HS6ST3: variants seen among roughly 807,000 people sequenced by gnomAD.
HS6ST3 encodes heparan-sulfate 6-O-sulfotransferase 3.
A neutral mutation model predicts 36.7 loss-of-function variants in HS6ST3; 12 were observed. The ratio of observed to expected loss-of-function variants is 0.33; its 90% CI spans 0.21 to 0.53. The LOEUF is 0.53. HS6ST3 is among the 20% of genes least tolerant of loss of function. The pLI is 0.95. For missense variants in HS6ST3, 584 were observed against 640.9 expected (o/e 0.91, Z 0.96); for synonymous variants, 240 against 257.5 (o/e 0.93, Z 0.65).
At chr13:96,667,914 T>C (rs2056669505) in intron 1 of HS6ST3, among the ~76,000 whole-genome samples, 1 of 152,102 alleles carries the variant, frequency 6.6e-6, no homozygotes, top group African/African-American at 2.4e-5. Flanking sequence ...GAAGCCACAT[T>C]TTAGCACTAC....
At chr13:96,360,778 C>G (rs559943482) in intron 1 of HS6ST3, among the ~76,000 whole-genome samples, 25 of 151,900 alleles carry the variant, frequency 1.6e-4, no homozygotes, top group African/African-American at 6.0e-4. Context: ...GAAACCTCGT[C>G]TCTACTAAAA....
intron 1 of HS6ST3, among the ~76,000 whole-genome samples, chr13:96,783,081 C>G (rs1375491902): frequency 1.3e-5 from 2 of 152,090 alleles, no homozygotes; most frequent in Non-Finnish European, 2.9e-5. Flanking sequence ...ATTGTTTGTT[C>G]AAGGAACAAA....
intron 1 of HS6ST3, among the ~76,000 whole-genome samples, chr13:96,505,548 T>A (rs1425715215): frequency 6.6e-6 from 1 of 152,118 alleles, no homozygotes; most frequent in Non-Finnish European, 1.5e-5. Flanking sequence ...ATTACTGACA[T>A]ATGCAAAGTA....
chr13:96,672,460 A>G (rs1277830734), intron 1 of HS6ST3, among the ~76,000 whole-genome samples: 1 of 152,030 alleles, frequency 6.6e-6, no homozygotes, highest in African/African-American at 2.4e-5. Context: ...TTCCTTGGCA[A>G]CCCCTCTCCA....
chr13:96,668,686 C>CTTTTTTTT (rs146033180), intron 1 of HS6ST3, among the ~76,000 whole-genome samples: 17 of 58,942 alleles, frequency 2.9e-4, no homozygotes, highest in African/African-American at 4.7e-4. Context: ...TAGTGCCAAC[C>CTTTTTTTT]TTTTTTTTTT....
chr13:96,815,626 T>C (rs1878404708), intron 1 of HS6ST3, among the ~76,000 whole-genome samples: 1 of 152,154 alleles, frequency 6.6e-6, no homozygotes, highest in South Asian at 2.1e-4. Context: ...GCAGATCATT[T>C]AATCACTCAA....
At chr13:96,485,785 C>G (rs1328927469) in intron 1 of HS6ST3, among the ~76,000 whole-genome samples, 1 of 152,090 alleles carries the variant, frequency 6.6e-6, no homozygotes, top group Non-Finnish European at 1.5e-5. Flanking sequence ...ACTGACATGA[C>G]ATGTATGGAG....
chr13:96,657,379 A>G (rs989860172), intron 1 of HS6ST3, among the ~76,000 whole-genome samples: 1 of 151,886 alleles, frequency 6.6e-6, no homozygotes, highest in African/African-American at 2.4e-5. Flanking sequence ...TGGGCAATAT[A>G]GGGAGGTGGC....
At chr13:96,269,643 T>C (rs1038107931) in intron 1 of HS6ST3, among the ~76,000 whole-genome samples, 2 of 152,022 alleles carry the variant, frequency 1.3e-5, no homozygotes, top group Non-Finnish European at 2.9e-5. Flanking sequence ...TCAGGAATAC[T>C]AGACCCAAAG....
chr13:96,764,694 G>C (rs1877052154), intron 1 of HS6ST3, among the ~76,000 whole-genome samples: 1 of 152,172 alleles, frequency 6.6e-6, no homozygotes, highest in Non-Finnish European at 1.5e-5. Context: ...CTTGCTTGCT[G>C]AGAGGTGAGA....
intron 1 of HS6ST3, among the ~76,000 whole-genome samples, chr13:96,744,192 AT>A (rs1222507904): frequency 2.0e-5 from 3 of 151,658 alleles, no homozygotes; most frequent in Admixed American, 2.0e-4. Context: ...TCTTATTTTA[AT>A]TTTTTTTCTC....
At chr13:96,596,978 T>C (rs1594814984) in intron 1 of HS6ST3, among the ~76,000 whole-genome samples, 1 of 151,992 alleles carries the variant, frequency 6.6e-6, no homozygotes, top group Non-Finnish European at 1.5e-5. Flanking sequence ...GTGGCATATG[T>C]AAACCATGTA....
intron 1 of HS6ST3, among the ~76,000 whole-genome samples, chr13:96,828,371 C>A (rs1490745019): frequency 6.6e-6 from 1 of 151,974 alleles, no homozygotes; most frequent in Middle Eastern, 3.2e-3. Flanking sequence ...TAACATTGTA[C>A]CCTTACATTT....
At chr13:96,489,410 T>C (rs1028650727) in intron 1 of HS6ST3, among the ~76,000 whole-genome samples, 6 of 148,824 alleles carry the variant, frequency 4.0e-5, no homozygotes, top group African/African-American at 1.5e-4. Flanking sequence ...ACACATATAG[T>C]TTTTTTCTAA....
intron 1 of HS6ST3, among the ~76,000 whole-genome samples, chr13:96,163,071 G>A (rs1344460199): frequency 1.3e-5 from 2 of 152,018 alleles, no homozygotes; most frequent in Non-Finnish European, 2.9e-5. Context: ...TCATAGCTGC[G>A]AATTCTTAAG....
At chr13:96,207,806 CA>C (rs2054378681) in intron 1 of HS6ST3, among the ~76,000 whole-genome samples, 1 of 152,042 alleles carries the variant, frequency 6.6e-6, no homozygotes, top group South Asian at 2.1e-4. Flanking sequence ...TTGTGGGGAA[CA>C]ACACACACAC....
chr13:96,680,696 A>G (rs2056715528), intron 1 of HS6ST3, among the ~76,000 whole-genome samples: 1 of 152,186 alleles, frequency 6.6e-6, no homozygotes, highest in Non-Finnish European at 1.5e-5. Flanking sequence ...GACTGGCGTG[A>G]GGGGCTGACC....
intron 1 of HS6ST3, among the ~76,000 whole-genome samples, chr13:96,369,452 G>A (rs1210954629): frequency 6.6e-6 from 1 of 152,188 alleles, no homozygotes; most frequent in Non-Finnish European, 1.5e-5. Context: ...GACACCGTGT[G>A]AGTATAATTG....
intron 1 of HS6ST3, among the ~76,000 whole-genome samples, chr13:96,774,576 A>T (rs553578028): frequency 9.2e-5 from 14 of 152,310 alleles, no homozygotes; most frequent in African/African-American, 2.6e-4. Context: ...AGAAGAAAGG[A>T]TATCAGAGAT....
Sources: gnomAD v4.1 joint callset for allele counts (sites outside exome capture counted in the v4.1 genomes callset) on GRCh38, gnomAD v4.1.1 for gene constraint, MANE v1.5 for transcripts, NCBI Gene and HGNC (gene_info 2026-07-23, HGNC 2026-07-21) for gene names.